CCSER1: variants seen among roughly 807,000 people sequenced by gnomAD.
CCSER1 encodes the protein coiled-coil serine rich protein 1, also known as serine-rich coiled-coil domain-containing protein 1.
CCSER1 carries 41 observed loss-of-function variants against 82.0 expected under a neutral mutation model. The ratio of observed to expected loss-of-function variants is 0.50; its 90% CI spans 0.39 to 0.65. The LOEUF is 0.65. Ranked by LOEUF, CCSER1 falls within the 30% of genes least tolerant of loss-of-function variation. CCSER1 has a pLI of 0.00. For missense variants in CCSER1, 1,119 were observed against 1,064.2 expected (o/e 1.05, Z -0.72); for synonymous variants, 414 against 383.9 (o/e 1.08, Z -0.92).
chr4:90,877,205 A>G (rs1013659308), intron 8 of CCSER1, among the ~76,000 whole-genome samples: 2 of 152,144 alleles, frequency 1.3e-5, no homozygotes, highest in African/African-American at 4.8e-5. Flanking sequence ...TGATATAGTC[A>G]GAGTTTGGAG....
At chr4:90,593,545 G>A (rs1433958761) in intron 5 of CCSER1, among the ~76,000 whole-genome samples, 1 of 152,092 alleles carries the variant, frequency 6.6e-6, no homozygotes, top group Non-Finnish European at 1.5e-5. Context: ...GATATTTCCT[G>A]TCATAACTGA....
intron 10 of CCSER1, among the ~76,000 whole-genome samples, chr4:91,550,288 T>A (rs1762098444): frequency 1.3e-5 from 2 of 152,188 alleles, no homozygotes; most frequent in Non-Finnish European, 2.9e-5. Context: ...AACACAAAAT[T>A]GTGGCACCGT....
intron 9 of CCSER1, among the ~76,000 whole-genome samples, chr4:90,969,580 A>G (rs771004802): frequency 1.3e-5 from 2 of 151,978 alleles, no homozygotes; most frequent in Non-Finnish European, 2.9e-5. Flanking sequence ...AGAAGAGATA[A>G]ACACTTTCCC....
intron 9 of CCSER1, among the ~76,000 whole-genome samples, chr4:90,979,765 A>T (rs1735942030): frequency 6.6e-6 from 1 of 151,826 alleles, no homozygotes; most frequent in African/African-American, 2.4e-5. Flanking sequence ...GACCGCGATG[A>T]ATAGAGCTCC....
chr4:90,152,812 A>G (rs2153352904), intron 1 of CCSER1, among the ~76,000 whole-genome samples: 1 of 151,726 alleles, frequency 6.6e-6, no homozygotes, highest in South Asian at 2.1e-4. Context: ...TAAGCTTTTG[A>G]GCAGTAGACC....
chr4:91,289,205 C>G (rs1743563654), intron 10 of CCSER1, among the ~76,000 whole-genome samples: 1 of 151,936 alleles, frequency 6.6e-6, no homozygotes. Context: ...GACCTAGACT[C>G]CCACACTAAA....
intron 3 of CCSER1, among the ~76,000 whole-genome samples, chr4:90,388,566 T>C (rs1441635710): frequency 6.6e-6 from 1 of 152,056 alleles, no homozygotes; most frequent in Non-Finnish European, 1.5e-5. Flanking sequence ...TGCCTTGGCC[T>C]CCCAAAGTGC....
In CCSER1 at chr4:91,604,410, A is replaced by G. The variant is rs1339842156; in HGVS notation, c.*5353A>G. On this transcript the variant is annotated 3_prime_UTR_variant, in exon 11 of 11. Coordinates refer to ENST00000509176, the MANE Select transcript of CCSER1 (RefSeq NM_001145065.2). ...GTTTTAAAACAATTATTGACATTTA[A>G]TAAATACAGAATTTTCAGAGGGCAT... 1.3e-5 allele frequency: 2 copies of G among 152,112 alleles called. No individual in the cohort carries two copies. Among genetic ancestry groups the G allele is most frequent in the Non-Finnish European group, 2.9e-5 (2 of 67,960 alleles). 9.4% of individuals were successfully genotyped at this position (152,112 alleles called of 1,614,324 possible). A position where few individuals can be genotyped will look rare whatever the true frequency, so the allele number is the denominator to read the frequency against.
At chr4:90,959,950 T>A (rs1048456490) in intron 9 of CCSER1, among the ~76,000 whole-genome samples, 3 of 152,130 alleles carry the variant, frequency 2.0e-5, no homozygotes, top group African/African-American at 7.2e-5. Flanking sequence ...AATCCAGAAT[T>A]TTAATTATGC....
At chr4:90,586,248 A>AC (rs373159006) in intron 5 of CCSER1, among the ~76,000 whole-genome samples, 2 of 151,334 alleles carry the variant, frequency 1.3e-5, no homozygotes, top group African/African-American at 4.9e-5. Flanking sequence ...ACTCCATTAT[A>AC]CCCCCCCACC....
rs1730197916 is a variant in CCSER1, at chr4:91,151,484, A to T, written c.2217+65490A>T. 1.3e-5 allele frequency among the ~76,000 whole-genome samples: 2 copies of T among 151,632 alleles called. 1 individual carries two copies. Among genetic ancestry groups the T allele is most frequent in the African/African-American group, 4.8e-5 (2 of 41,252 alleles). ...CTCTATTTCCTTCAGTTCTGCTCTG[A>T]TCTTAGTTAACTATTTCTTACCTTC... On this transcript the variant is annotated intron_variant, in intron 10 of 10. Transcript: ENST00000509176.
intron 10 of CCSER1, among the ~76,000 whole-genome samples, chr4:91,295,097 A>C (rs1478287693): frequency 6.6e-6 from 1 of 152,004 alleles, no homozygotes; most frequent in Non-Finnish European, 1.5e-5. Context: ...GGAATATGGC[A>C]AACCCTTTAA....
At chr4:91,461,437 A>C (rs917783267) in intron 10 of CCSER1, among the ~76,000 whole-genome samples, 3 of 152,184 alleles carry the variant, frequency 2.0e-5, no homozygotes, top group African/African-American at 7.2e-5. Flanking sequence ...ATTTGCACAC[A>C]TGTAGTTTAG....
intron 1 of CCSER1, among the ~76,000 whole-genome samples, chr4:90,189,708 A>G (rs545971421): frequency 6.6e-6 from 1 of 151,970 alleles, no homozygotes; most frequent in South Asian, 2.1e-4. Flanking sequence ...ATACCTATTT[A>G]CTTTTGCAGT....
chr4:91,088,982 A>C (rs1022425863), intron 10 of CCSER1, among the ~76,000 whole-genome samples: 1 of 152,238 alleles, frequency 6.6e-6, no homozygotes, highest in Non-Finnish European at 1.5e-5. Flanking sequence ...TAAGTATTAA[A>C]GCTTCTGTGT....
intron 10 of CCSER1, among the ~76,000 whole-genome samples, chr4:91,445,930 T>C (rs1201018616): frequency 1.3e-5 from 2 of 152,108 alleles, no homozygotes; most frequent in South Asian, 4.1e-4. Flanking sequence ...CATAAAAGAT[T>C]TAGAATAGAA....
At position 91,366,641 on chromosome 4, in the gene CCSER1, T is replaced by G. The variant is rs186870990; in HGVS notation, c.2218-231931T>G. 2.3e-3 allele frequency among the ~76,000 whole-genome samples: 354 copies of G among 152,348 alleles called. 4 individuals carry two copies. The highest frequency in any genetic ancestry group is 8.0e-3 in the African/African-American group (333 of 41,598). On this transcript the variant is annotated intron_variant, in intron 10 of 10. Transcript: ENST00000509176. ...ACCTTTTGAGTAAACAGAGCTAGCA[T>G]GCTACAGCATAAGTTCATACTGATC...
chr4:91,599,892 C>G lies in CCSER1; in HGVS notation c.*835C>G, dbSNP rs1382945608. ...TGAGCCACTGTCATGGCAATATAAACATTTTTTCAAAATTTCAAGGATGAA... is the reference window on the plus strand; with the variant it reads ...TGAGCCACTGTCATGGCAATATAAAGATTTTTTCAAAATTTCAAGGATGAA... On this transcript the variant is annotated 3_prime_UTR_variant, in exon 11 of 11. Transcript: ENST00000509176. 1 of 152,096 alleles carries G rather than the reference C, an allele frequency of 6.6e-6. No homozygotes were observed. Among genetic ancestry groups the G allele is most frequent in the African/African-American group, 2.4e-5 (1 of 41,450 alleles). The allele number at this position is 152,096 out of a possible 1,614,324, so 9.4% of individuals were successfully genotyped here. A position where few individuals can be genotyped will look rare whatever the true frequency, so the allele number is the denominator to read the frequency against.
At chr4:91,018,334 G>C (rs968017194) in intron 9 of CCSER1, among the ~76,000 whole-genome samples, 1 of 152,014 alleles carries the variant, frequency 6.6e-6, no homozygotes, top group African/African-American at 2.4e-5. Context: ...ACCCTGCTTT[G>C]AATCAACTAT....
Sources: gnomAD v4.1 joint callset for allele counts (sites outside exome capture counted in the v4.1 genomes callset) on GRCh38, gnomAD v4.1.1 for gene constraint, MANE v1.5 for transcripts, NCBI Gene and HGNC (gene_info 2026-07-23, HGNC 2026-07-21) for gene names.